Variants in NLGN1 observed in about 807,000 individuals in gnomAD.
NLGN1 encodes neuroligin 1.
In NLGN1, 12 loss-of-function variants were observed where a neutral mutation model predicts 65.5. The ratio of observed to expected loss-of-function variants is 0.18; its 90% CI spans 0.12 to 0.30. The LOEUF is 0.30. NLGN1 is among the 10% of genes least tolerant of loss of function. The pLI, the probability that NLGN1 is intolerant of heterozygous loss-of-function variation, is 1.00. For synonymous variants in NLGN1, 350 were observed against 359.5 expected (o/e 0.97, Z 0.30); for missense variants, 750 against 1,007.1 (o/e 0.74, Z 3.46).
At chr3:173,943,685 T>C (rs1477703821) in intron 4 of NLGN1, among the ~76,000 whole-genome samples, 1 of 152,172 alleles carries the variant, frequency 6.6e-6, no homozygotes, top group Admixed American at 6.5e-5. Context: ...TGTTTTTGTG[T>C]TTTACAGGCA....
chr3:174,208,974 AGT>A (rs1353956079), intron 4 of NLGN1, among the ~76,000 whole-genome samples: 2 of 151,274 alleles, frequency 1.3e-5, no homozygotes, highest in African/African-American at 4.9e-5. Flanking sequence ...CCCAGGCTGG[AGT>A]GTAGTGGCAT....
rs201839435 is a variant in NLGN1, at chr3:173,448,708, GGT to G, written c.-321+13631_-321+13632del. Among the ~76,000 whole-genome samples, 8 of 152,150 alleles carry G rather than the reference GGT, an allele frequency of 5.3e-5. No individual in the cohort carries two copies. In the East Asian group the frequency reaches 1.5e-3, roughly 29 times the overall value. On this transcript the variant is annotated intron_variant, in intron 2 of 6. Transcript: ENST00000457714. ...ATCTGGTCCTGGGCTTTTTTTGGTT[GGT>G]AAGCTATTAATTATTGCCTCAATTT...
At chr3:174,014,584 G>A (rs992796072) in intron 4 of NLGN1, among the ~76,000 whole-genome samples, 1 of 152,156 alleles carries the variant, frequency 6.6e-6, no homozygotes, top group Non-Finnish European at 1.5e-5. Flanking sequence ...CTCTTTGCAT[G>A]TATCTCATTC....
At chr3:173,706,068 A>G (rs535733640) in intron 3 of NLGN1, among the ~76,000 whole-genome samples, 2 of 152,294 alleles carry the variant, frequency 1.3e-5, no homozygotes, top group African/African-American at 2.4e-5. Flanking sequence ...AAAGAGAAAT[A>G]ATTTTCGTGC....
At chr3:173,913,682 A>G (rs1740121014) in intron 4 of NLGN1, among the ~76,000 whole-genome samples, 1 of 152,154 alleles carries the variant, frequency 6.6e-6, no homozygotes, top group African/African-American at 2.4e-5. Context: ...CTTCATGCAA[A>G]AAGTATGTCG....
At chr3:173,944,428 A>G (rs147343909) in intron 4 of NLGN1, among the ~76,000 whole-genome samples, 38 of 152,284 alleles carry the variant, frequency 2.5e-4, no homozygotes, top group Non-Finnish European at 3.8e-4. Flanking sequence ...TTGATGCTCT[A>G]TGTTAGAAAT....
chr3:174,198,247 C>T lies in NLGN1; in HGVS notation c.647-77068C>T, dbSNP rs1435880008. Among the ~76,000 whole-genome samples, 6 of 152,196 alleles carry T rather than the reference C, an allele frequency of 3.9e-5. No individual in the cohort carries two copies. In the South Asian group the frequency reaches 1.0e-3, roughly 26 times the overall value. ...GTCAGATACTCTGTGGCATGCTTTA[C>T]GTGCAGTTTTATTTTACTAAAGCAG... On this transcript the variant is annotated intron_variant, in intron 4 of 6. Coordinates refer to ENST00000457714, the Ensembl canonical transcript of NLGN1.
chr3:174,257,198 G>T (rs552453917), intron 4 of NLGN1, among the ~76,000 whole-genome samples: 2 of 151,948 alleles, frequency 1.3e-5, no homozygotes, highest in East Asian at 3.9e-4. Flanking sequence ...AATCAAAATC[G>T]CAATGAGATA....
intron 2 of NLGN1, among the ~76,000 whole-genome samples, chr3:173,541,558 T>G (rs1232317524): frequency 6.6e-6 from 1 of 152,134 alleles, no homozygotes; most frequent in African/African-American, 2.4e-5. Context: ...AAGGTATCAG[T>G]TGATGAAATG....
intron 5 of NLGN1, among the ~76,000 whole-genome samples, chr3:174,277,328 A>G (rs776257284): frequency 6.6e-6 from 1 of 151,926 alleles, no homozygotes; most frequent in African/African-American, 2.4e-5. Flanking sequence ...TTGCATCCAC[A>G]TAAGAGGCAA....
At chr3:173,645,153 G>T (rs1758047598) in intron 3 of NLGN1, among the ~76,000 whole-genome samples, 1 of 152,218 alleles carries the variant, frequency 6.6e-6, no homozygotes, top group Non-Finnish European at 1.5e-5. Context: ...CAACTTTCAG[G>T]TTCTTGCTTG....
intron 4 of NLGN1, among the ~76,000 whole-genome samples, chr3:173,885,879 T>TA: frequency 6.6e-6 from 1 of 152,222 alleles, no homozygotes; most frequent in African/African-American, 2.4e-5. Context: ...ACCCAGAAGA[T>TA]AAATGGACAA....
intron 2 of NLGN1, among the ~76,000 whole-genome samples, chr3:173,592,926 A>G (rs1195246101): frequency 6.6e-6 from 1 of 152,028 alleles, no homozygotes; most frequent in Non-Finnish European, 1.5e-5. Flanking sequence ...CTGATGGGCT[A>G]CCCTTCTCTC....
chr3:173,754,024 C>CTTTTTTTTTTTTTT (rs71162358), intron 3 of NLGN1, among the ~76,000 whole-genome samples: 29 of 121,608 alleles, frequency 2.4e-4, no homozygotes, highest in East Asian at 4.7e-4. Flanking sequence ...TCTTTCTTTT[C>CTTTTTTTTTTTTTT]TTTTTTTTTT....
In NLGN1 at chr3:173,497,399, A is replaced by T. The variant is rs1730211032; in HGVS notation, c.-321+62321A>T. ...GTGAAACTCCATCTCAAAATAAATA[A>T]ATAAATAAATAAATAAATAAATTCT... is the stretch of plus-strand genomic sequence containing the variant. On this transcript the variant is annotated intron_variant, in intron 2 of 6. Coordinates refer to ENST00000457714, the Ensembl canonical transcript of NLGN1. Among the ~76,000 whole-genome samples, 7 of 144,410 alleles carry T rather than the reference A, an allele frequency of 4.8e-5. No individual in the cohort carries two copies. The South Asian group carries it at 1.5e-3, about 31-fold the overall frequency. The allele number at this position is 144,410 out of a possible 152,430, so 94.7% of individuals were successfully genotyped here.
chr3:173,479,482 A>G (rs999609537), intron 2 of NLGN1, among the ~76,000 whole-genome samples: 1 of 152,186 alleles, frequency 6.6e-6, no homozygotes, highest in African/African-American at 2.4e-5. Flanking sequence ...TGGTGGTGCT[A>G]GCTTAATTTT....
In NLGN1 at chr3:173,643,528, G is replaced by A. The variant is rs530023483; in HGVS notation, c.493+38437G>A. Among the ~76,000 whole-genome samples the A allele has an allele frequency of 6.6e-5, 10 of 152,240 alleles. No individual in the cohort carries two copies. The East Asian group carries it at 1.9e-3, about 29-fold the overall frequency. On this transcript the variant is annotated intron_variant, in intron 3 of 6. Transcript: ENST00000457714. ...ATAAGGGTGAGCAAAGTACTTCAAA[G>A]TACAGTACTTTCAAAAGCAAAAATC...
chr3:173,437,953 T>C (rs1718440005), intron 2 of NLGN1, among the ~76,000 whole-genome samples: 1 of 152,164 alleles, frequency 6.6e-6, no homozygotes, highest in South Asian at 2.1e-4. Context: ...TCTTTTTCTT[T>C]CATTTCAGCC....
intron 2 of NLGN1, among the ~76,000 whole-genome samples, chr3:173,488,252 A>C (rs1385733365): frequency 6.6e-6 from 1 of 152,008 alleles, no homozygotes. Flanking sequence ...TTATATATTC[A>C]TACTACTTTG....
Sources: allele counts gnomAD v4.1 joint callset (sites outside exome capture counted in the v4.1 genomes callset), GRCh38; gene constraint gnomAD v4.1.1; transcripts MANE v1.5; gene names NCBI Gene and HGNC (gene_info 2026-07-23, HGNC 2026-07-21).